Variants in ETS1 observed in about 807,000 individuals in gnomAD.
The protein encoded by ETS1 is ETS proto-oncogene 1, transcription factor.
Under a neutral mutation model 58.6 loss-of-function variants are expected in ETS1, and 15 were observed. The observed-to-expected ratio is 0.26, with a 90% confidence interval of 0.17 to 0.39. ETS1 has a LOEUF of 0.39. Among genes scored for constraint, ETS1 ranks in the 10% least tolerant of loss-of-function variants. The pLI is 1.00. For synonymous variants in ETS1, 214 were observed against 218.2 expected (o/e 0.98, Z 0.17); for missense variants, 417 against 610.5 (o/e 0.68, Z 3.34).
At chr11:128,525,947 A>G (rs1400545474) in intron 3 of ETS1, among the ~76,000 whole-genome samples, 1 of 152,224 alleles carries the variant, frequency 6.6e-6, no homozygotes, top group Non-Finnish European at 1.5e-5. Flanking sequence ...GACCCAAGCC[A>G]GGGGACTCAG....
intron 3 of ETS1, among the ~76,000 whole-genome samples, chr11:128,547,851 G>A (rs2135548710): frequency 6.6e-6 from 1 of 152,192 alleles, no homozygotes; most frequent in South Asian, 2.1e-4. Context: ...ATGTGGGGCA[G>A]GGTCTGGACT....
At chr11:128,555,097 G>A (rs1299256415) in intron 3 of ETS1, among the ~76,000 whole-genome samples, 3 of 152,048 alleles carry the variant, frequency 2.0e-5, no homozygotes, top group Admixed American at 2.0e-4. Context: ...AAGATCAATG[G>A]CTATTGAGTC....
intron 7 of ETS1, among the ~76,000 whole-genome samples, chr11:128,480,843 A>G (rs1432502471): frequency 6.6e-6 from 1 of 152,186 alleles, no homozygotes; most frequent in Non-Finnish European, 1.5e-5. Context: ...TGAATAAATG[A>G]AGAAATCAGA....
intron 3 of ETS1, among the ~76,000 whole-genome samples, chr11:128,550,240 C>G (rs913926061): frequency 1.3e-5 from 2 of 152,216 alleles, no homozygotes; most frequent in Admixed American, 1.3e-4. Flanking sequence ...ACTTAACACT[C>G]TTCAATTATA....
rs1861904814 is a variant in ETS1, at chr11:128,461,523, T to C, written c.*838A>G. 6.5e-6 allele frequency: 1 copy of C among 152,768 alleles called. No individual in the cohort carries two copies. Among genetic ancestry groups the C allele is most frequent in the African/African-American group, 2.4e-5 (1 of 41,432 alleles). The allele number at this position is 152,768 out of a possible 1,614,324, so 9.5% of individuals were successfully genotyped here. A position where few individuals can be genotyped will look rare whatever the true frequency, so the allele number is the denominator to read the frequency against. ...GGGATGTGCTAATTTTTTTTAATTG[T>C]AGATGACATTCACACACATAATTCC... On this transcript the variant is annotated 3_prime_UTR_variant, in exon 10 of 10. Coordinates refer to ENST00000392668, the MANE Select transcript of ETS1 (RefSeq NM_001143820.2).
At chr11:128,507,217 T>G (rs996282314) in intron 3 of ETS1, among the ~76,000 whole-genome samples, 1 of 152,030 alleles carries the variant, frequency 6.6e-6, no homozygotes, top group Non-Finnish European at 1.5e-5. Flanking sequence ...CTGACTCAGA[T>G]CGAGCCGGGC....
intron 5 of ETS1, 35 bp downstream of exon 5, chr11:128,489,255 A>G: frequency 6.3e-7 from 1 of 1,595,556 alleles, no homozygotes; most frequent in Non-Finnish European, 8.6e-7. Flanking sequence ...GCAACCCCAC[A>G]TAACCTCCAC....
intron 3 of ETS1, among the ~76,000 whole-genome samples, chr11:128,491,953 C>T (rs372882593): frequency 1.4e-4 from 21 of 152,304 alleles, no homozygotes; most frequent in Admixed American, 8.5e-4. Flanking sequence ...ACCATGTTCA[C>T]GATGTTGGTA....
intron 3 of ETS1, among the ~76,000 whole-genome samples, chr11:128,527,944 A>G (rs1434351372): frequency 6.6e-6 from 1 of 152,218 alleles, no homozygotes; most frequent in Non-Finnish European, 1.5e-5. Flanking sequence ...AATTGCCCCA[A>G]AAGACTAACA....
intron 3 of ETS1, among the ~76,000 whole-genome samples, chr11:128,551,548 T>C (rs188554294): frequency 2.6e-4 from 40 of 152,364 alleles, no homozygotes; most frequent in African/African-American, 8.7e-4. Flanking sequence ...CCAAACTTTA[T>C]GTCATAAATA....
intron 1 of ETS1, among the ~76,000 whole-genome samples, chr11:128,584,939 A>AAAGG: frequency 1.3e-4 from 1 of 7,700 alleles, no homozygotes; most frequent in Non-Finnish European, 2.2e-4. Flanking sequence ...AAAAAAGAGA[A>AAAGG]AAGAAAGAAA....
intron 8 of ETS1, among the ~76,000 whole-genome samples, chr11:128,470,162 CA>C: frequency 6.6e-6 from 1 of 152,284 alleles, no homozygotes; most frequent in East Asian, 1.9e-4. Flanking sequence ...AAACAGCTCT[CA>C]AATCAGTTAA....
chr11:128,552,085 A>G (rs1201088981), intron 3 of ETS1, among the ~76,000 whole-genome samples: 2 of 152,046 alleles, frequency 1.3e-5, no homozygotes, highest in Non-Finnish European at 2.9e-5. Context: ...CATTTCTAAC[A>G]AGTTCTCAGA....
At chr11:128,524,497 G>C (rs748299871) in intron 3 of ETS1, among the ~76,000 whole-genome samples, 17 of 152,130 alleles carry the variant, frequency 1.1e-4, no homozygotes, top group Non-Finnish European at 1.9e-4. Context: ...TGGATGAAGA[G>C]CACTAATAAG....
chr11:128,501,357 A>C lies in ETS1; in HGVS notation c.215-10781T>G, dbSNP rs118073557. Reference sequence around the variant, plus strand: ...ACACTGATCTAACAGCCTAACTACAAAAGCCACTCAAAGGACATTGCCAGG... The same window carrying C: ...ACACTGATCTAACAGCCTAACTACACAAGCCACTCAAAGGACATTGCCAGG... On this transcript the variant is annotated intron_variant, in intron 3 of 9. Coordinates refer to ENST00000392668, the MANE Select transcript of ETS1 (RefSeq NM_001143820.2). 5.1e-3 allele frequency among the ~76,000 whole-genome samples: 783 copies of C among 152,308 alleles called. 3 individuals are homozygous for C. The highest frequency in any genetic ancestry group is 8.6e-3 in the Non-Finnish European group (587 of 68,028).
intron 3 of ETS1, among the ~76,000 whole-genome samples, chr11:128,518,847 G>A (rs987161141): frequency 6.6e-6 from 1 of 152,218 alleles, no homozygotes; most frequent in Non-Finnish European, 1.5e-5. Context: ...GAGGGCGGGT[G>A]GGGTGAGAGG....
At chr11:128,513,071 C>T (rs1215018793) in intron 3 of ETS1, among the ~76,000 whole-genome samples, 1 of 152,242 alleles carries the variant, frequency 6.6e-6, no homozygotes, top group Non-Finnish European at 1.5e-5. Flanking sequence ...CCCAAGACAA[C>T]ATGCCTCCAT....
At chr11:128,508,298 T>C (rs1484438658) in intron 3 of ETS1, among the ~76,000 whole-genome samples, 1 of 152,188 alleles carries the variant, frequency 6.6e-6, no homozygotes, top group Non-Finnish European at 1.5e-5. Context: ...AGTATAAAAG[T>C]TTTCACAGGA....
intron 2 of ETS1, among the ~76,000 whole-genome samples, chr11:128,560,267 C>A (rs1864384114): frequency 6.6e-6 from 1 of 152,194 alleles, no homozygotes; most frequent in South Asian, 2.1e-4. Flanking sequence ...CATGTGCCAC[C>A]ATGCCCAGCT....
Sources: allele counts gnomAD v4.1 joint callset (sites outside exome capture counted in the v4.1 genomes callset), GRCh38; gene constraint gnomAD v4.1.1; transcripts MANE v1.5; gene names NCBI Gene and HGNC (gene_info 2026-07-23, HGNC 2026-07-21).